GSE1: variants seen among roughly 807,000 people sequenced by gnomAD.
The protein encoded by GSE1 is Gse1 coiled-coil protein.
A neutral mutation model predicts 112.6 loss-of-function variants in GSE1; 32 were observed. The observed-to-expected ratio is 0.28, with a 90% CI of 0.21 to 0.38. The LOEUF (loss-of-function observed/expected upper bound fraction) is 0.38. Among genes scored for constraint, GSE1 ranks in the 10% least tolerant of loss-of-function variants. GSE1 has a pLI of 1.00. For missense variants in GSE1, 2,348 were observed against 1,699.2 expected (o/e 1.38, Z -6.71); for synonymous variants, 1,115 against 735.6 (o/e 1.52, Z -8.35).
intron 1 of GSE1, among the ~76,000 whole-genome samples, chr16:85,214,243 G>C (rs987708467): frequency 1.3e-5 from 2 of 151,896 alleles, no homozygotes; most frequent in Admixed American, 6.5e-5. Flanking sequence ...TGGGGTGAGG[G>C]CCCCCCCACC....
At chr16:85,343,136 G>A (rs766417495) in intron 1 of GSE1, among the ~76,000 whole-genome samples, 1 of 152,110 alleles carries the variant, frequency 6.6e-6, no homozygotes. Context: ...TCAACAAAGC[G>A]TGGCGCGTCC....
chr16:85,403,104 A>C (rs1412566188), intron 2 of GSE1, among the ~76,000 whole-genome samples: 3 of 151,232 alleles, frequency 2.0e-5, no homozygotes, highest in Non-Finnish European at 4.4e-5. Context: ...GGGGGGACTC[A>C]GTTCCTCTGG....
chr16:85,267,159 G>A (rs967438242), intron 1 of GSE1, among the ~76,000 whole-genome samples: 22 of 152,178 alleles, frequency 1.4e-4, no homozygotes, highest in Admixed American at 1.2e-3. Flanking sequence ...GAGCAGCGGC[G>A]GTGGCTGCCT....
chr16:85,556,307 A>G lies in GSE1; in HGVS notation c.-20A>G, dbSNP rs1283999614. The G allele has an allele frequency of 3.1e-6, 3 of 982,946 alleles. No homozygotes were observed. The African/African-American group carries it at 5.3e-5, about 17-fold the overall frequency. 60.9% of individuals were successfully genotyped at this position (982,946 alleles called of 1,614,324 possible). On this transcript the variant is annotated 5_prime_UTR_variant, in exon 1 of 3. Coordinates refer to the GSE1 transcript ENST00000635906. ...CCTTCTTCATCCCTCTCTGGCCACT[A>G]TGGAATTCTAATTTGAACCATGTTT...
chr16:85,646,917 C>T (rs2050920457), intron 2 of GSE1, among the ~76,000 whole-genome samples: 1 of 151,974 alleles, frequency 6.6e-6, no homozygotes, highest in African/African-American at 2.4e-5. Flanking sequence ...GCTCCGGAAG[C>T]GAGGCTGGTG....
intron 2 of GSE1, chr16:85,357,681 C>T (rs976033452): frequency 1.6e-6 from 2 of 1,255,352 alleles, no homozygotes; most frequent in Non-Finnish European, 2.1e-6. Flanking sequence ...GGGTACTGGG[C>T]TGGGATGCGG....
At chr16:85,606,886 G>A (rs975428787), upstream of GSE1, among the ~76,000 whole-genome samples, 1 of 152,238 alleles carries the variant, frequency 6.6e-6, no homozygotes, top group African/African-American at 2.4e-5. Flanking sequence ...AAGGGTCCGA[G>A]CGCTGCTCCC....
chr16:85,655,671 G>A (rs531566755), intron 5 of GSE1, 55 bp from the exon 6 acceptor site: 241 of 1,233,342 alleles, frequency 2.0e-4, no homozygotes, highest in African/African-American at 1.7e-3. Flanking sequence ...TGTCGACAGG[G>A]CTGGGTCTTC....
At chr16:85,556,537 T>C (rs1009092408) in intron 1 of GSE1, among the ~76,000 whole-genome samples, 8 of 151,020 alleles carry the variant, frequency 5.3e-5, no homozygotes, top group African/African-American at 1.9e-4. Context: ...AAGCCCGCGG[T>C]GTGCGCGGCT....
At chr16:85,555,763 C>A, upstream of GSE1, 1 of 976,504 alleles carries the variant, frequency 1.0e-6, no homozygotes, top group South Asian at 4.8e-5. Flanking sequence ...ATTCAAATGG[C>A]TGAATGGAGG....
chr16:85,286,673 C>T (rs1423270088), intron 1 of GSE1, among the ~76,000 whole-genome samples: 1 of 151,564 alleles, frequency 6.6e-6, no homozygotes, highest in African/African-American at 2.4e-5. Flanking sequence ...TCTATTAGTC[C>T]AATTGCCCAA....
intron 2 of GSE1, among the ~76,000 whole-genome samples, chr16:85,514,400 C>T (rs1001486529): frequency 6.8e-6 from 1 of 147,180 alleles, no homozygotes; most frequent in African/African-American, 2.5e-5. Flanking sequence ...TGAGTCCTGC[C>T]CCCAGGATGC....
intron 2 of GSE1, among the ~76,000 whole-genome samples, chr16:85,434,665 A>C (rs938365345): frequency 2.0e-5 from 3 of 152,112 alleles, no homozygotes; most frequent in African/African-American, 7.2e-5. Context: ...TAAAAACACA[A>C]AAATTAGCCA....
At chr16:85,211,942 C>T (rs2075233308) in intron 1 of GSE1, among the ~76,000 whole-genome samples, 2 of 152,206 alleles carry the variant, frequency 1.3e-5, no homozygotes, top group African/African-American at 2.4e-5. Context: ...TTCTGTGTCA[C>T]CCCCGTGCTG....
intron 2 of GSE1, among the ~76,000 whole-genome samples, chr16:85,535,399 C>A (rs773167680): frequency 2.6e-5 from 4 of 152,136 alleles, no homozygotes; most frequent in Non-Finnish European, 4.4e-5. Context: ...CTGGCCTCGG[C>A]CTTCCTTCTC....
chr16:85,673,525 T>G lies in GSE1; in HGVS notation c.*986T>G, dbSNP rs1218312515. ...CTTTTAGTGTTTGTACTGCTGCTGG[T>G]CAGGACATTAAAATATTGAAGTGTT... On this transcript the variant is annotated 3_prime_UTR_variant, in exon 16 of 16. Transcript: ENST00000253458. 1.3e-5 allele frequency: 2 copies of G among 151,148 alleles called. No individual in the cohort carries two copies. Among genetic ancestry groups the G allele is most frequent in the Admixed American group, 6.6e-5 (1 of 15,134 alleles). The allele number at this position is 151,148 out of a possible 1,614,324, so 9.4% of individuals were successfully genotyped here.
chr16:85,456,602 G>A (rs1428272745), intron 2 of GSE1, among the ~76,000 whole-genome samples: 10 of 148,618 alleles, frequency 6.7e-5, no homozygotes, highest in African/African-American at 2.5e-4. Flanking sequence ...GTGTGTGTGT[G>A]TGTGTGTGTG....
At chr16:85,400,249 TTGTGTGTGTGTGTGTGTGTG>T (rs60393248) in intron 2 of GSE1, among the ~76,000 whole-genome samples, 17 of 150,482 alleles carry the variant, frequency 1.1e-4, no homozygotes, top group Non-Finnish European at 2.4e-4. Flanking sequence ...AAGTGTAGGG[TTGTGTGTGTGTGTGTGTGTG>T]TGTGTGTGTG....
chr16:85,356,667 A>T (rs2046956935), intron 1 of GSE1, among the ~76,000 whole-genome samples: 1 of 152,108 alleles, frequency 6.6e-6, no homozygotes, highest in South Asian at 2.1e-4. Flanking sequence ...TTGTTTATTT[A>T]TTTTTGTAAA....
Sources: gnomAD v4.1 joint callset for allele counts (sites outside exome capture counted in the v4.1 genomes callset) on GRCh38, gnomAD v4.1.1 for gene constraint, MANE v1.5 for transcripts, NCBI Gene and HGNC (gene_info 2026-07-23, HGNC 2026-07-21) for gene names.